Variants in SANBR observed in about 807,000 individuals in gnomAD.
SANBR encodes SANT and BTB domain regulator of class switch recombination.
In SANBR, 77 loss-of-function variants were observed where a neutral mutation model predicts 101.8. The observed-to-expected ratio is 0.76, with a 90% CI of 0.63 to 0.91. SANBR has a LOEUF of 0.91. Among genes scored for constraint, SANBR ranks in the 40% least tolerant of loss-of-function variants. The probability of loss-of-function intolerance (pLI) is 0.00; values close to 1 mark genes in which losing one functional copy is unlikely to be tolerated. For missense variants in SANBR, 875 were observed against 853.0 expected, an observed-to-expected ratio of 1.03 and a Z score of -0.32; for synonymous variants, 279 against 274.7, an observed-to-expected ratio of 1.02 and a Z score of -0.15.
At chr2:61,121,384 GT>G (rs1019222881) in intron 21 of SANBR, 108 bp downstream of exon 21, 6 of 658,306 alleles carry the variant, frequency 9.1e-6, no homozygotes, top group Non-Finnish European at 1.5e-5. Context: ...TTGGTTTTAT[GT>G]TTTGTTTCAA....
At chr2:61,122,098 G>C in intron 21 of SANBR, 28 bp from the exon 22 acceptor site, 1 of 1,547,892 alleles carries the variant, frequency 6.5e-7, no homozygotes, top group African/African-American at 1.4e-5. Flanking sequence ...AAGCAATTCT[G>C]ACCTCCTTTT....
chr2:61,104,767 C>T (rs1683474238), intron 13 of SANBR, among the ~76,000 whole-genome samples: 3 of 151,710 alleles, frequency 2.0e-5, no homozygotes, highest in Admixed American at 6.6e-5. Context: ...CTGGAGGACT[C>T]TTTAAAAGAG....
chr2:61,080,507 G>A (rs1390396870), intron 6 of SANBR, among the ~76,000 whole-genome samples: 1 of 152,162 alleles, frequency 6.6e-6, no homozygotes, highest in African/African-American at 2.4e-5. Flanking sequence ...CGGATCACGA[G>A]GTGAAGAGAT....
At chr2:61,078,793 C>CT (rs2104864581) in intron 6 of SANBR, among the ~76,000 whole-genome samples, 1 of 151,800 alleles carries the variant, frequency 6.6e-6, no homozygotes, top group African/African-American at 2.4e-5. Context: ...AGTCCCAGCA[C>CT]TTTGACAGGC....
At position 61,122,212 on chromosome 2, in the gene SANBR, T is replaced by A. The variant is rs1265783772; in HGVS notation, c.*50T>A. 1 of 1,517,556 alleles carries A rather than the reference T, an allele frequency of 6.6e-7. No homozygotes were observed. The highest frequency in any genetic ancestry group is 2.2e-5 in the Admixed American group (1 of 45,122). The allele number at this position is 1,517,556 out of a possible 1,614,324, so 94.0% of individuals were successfully genotyped here. ...GAGAGAAGGCACTCTTCTGGACATCTGAAATTGCTCACTTCTTGAAGATCT... is the reference window on the plus strand; with the variant it reads ...GAGAGAAGGCACTCTTCTGGACATCAGAAATTGCTCACTTCTTGAAGATCT... On this transcript the variant is annotated 3_prime_UTR_variant, in exon 22 of 22. Transcript: ENST00000402291.
chr2:61,122,320 G>T lies in SANBR; in HGVS notation c.*158G>T. ...TAATTCTAAAAGAAATGCATAGTTA[G>T]GTTTTATGAAAATCTAATTGTAAAT... On this transcript the variant is annotated 3_prime_UTR_variant, in exon 22 of 22. Transcript: ENST00000402291. 11 of 1,228,678 alleles carry T rather than the reference G, an allele frequency of 9.0e-6. No individual in the cohort carries two copies. The highest frequency in any genetic ancestry group is 3.0e-5 in the South Asian group (1 of 33,638). The allele number at this position is 1,228,678 out of a possible 1,614,324, so 76.1% of individuals were successfully genotyped here.
intron 10 of SANBR, among the ~76,000 whole-genome samples, chr2:61,090,273 G>T (rs1284676169): frequency 6.6e-6 from 1 of 151,904 alleles, no homozygotes; most frequent in African/African-American, 2.4e-5. Flanking sequence ...TCTTTTTGTT[G>T]TTCTTTTTTC....
intron 10 of SANBR, chr2:61,090,648 C>A: frequency 6.5e-6 from 1 of 153,366 alleles, no homozygotes; most frequent in South Asian, 2.1e-4. Context: ...GCCTCCTGAG[C>A]TAGGACCATG....
intron 8 of SANBR, among the ~76,000 whole-genome samples, chr2:61,085,591 A>G (rs1210627029): frequency 6.6e-6 from 1 of 151,910 alleles, no homozygotes; most frequent in African/African-American, 2.4e-5. Flanking sequence ...ACTCTCTGCA[A>G]CCGCCGCCTC....
intron 20 of SANBR, among the ~76,000 whole-genome samples, chr2:61,133,363 G>C (rs555047426): frequency 6.6e-6 from 1 of 152,256 alleles, no homozygotes; most frequent in East Asian, 1.9e-4. Flanking sequence ...ATGTTTTGGA[G>C]CTTGATGAAG....
intron 16 of SANBR, among the ~76,000 whole-genome samples, chr2:61,115,166 C>T (rs1375848896): frequency 1.3e-5 from 2 of 151,978 alleles, no homozygotes; most frequent in African/African-American, 2.4e-5. Flanking sequence ...GCCATATGGG[C>T]CTGGAGCTTT....
chr2:61,069,214 C>T (rs1681331741), intron 2 of SANBR, among the ~76,000 whole-genome samples: 1 of 152,174 alleles, frequency 6.6e-6, no homozygotes, highest in African/African-American at 2.4e-5. Context: ...AAATATTCCA[C>T]ATAACCCTCA....
Position 61,122,494 on chromosome 2 carries a change from T to G in SANBR, c.*332T>G, listed in dbSNP as rs981106749. On this transcript the variant is annotated 3_prime_UTR_variant, in exon 22 of 22. Transcript: ENST00000402291. ...CTAAACTGTCAGGTAGCCAAGTTTT[T>G]TTAAGACCTTAAAAGTTAGGGGAAC... 7.4e-5 allele frequency: 77 copies of G among 1,037,622 alleles called. No homozygotes were observed. The African/African-American group carries it at 1.1e-3, about 15-fold the overall frequency. 64.3% of individuals were successfully genotyped at this position (1,037,622 alleles called of 1,614,324 possible).
At position 61,123,479 on chromosome 2, in the gene SANBR, C is replaced by T. The variant is rs1417252933; in HGVS notation, c.*1317C>T. ...AACTGCTGTTTAGAAATTTTGTTCC[C>T]ATTTATATTTGTTTCAATTGTTTGA... On this transcript the variant is annotated 3_prime_UTR_variant, in exon 22 of 22. Transcript: ENST00000402291. The T allele has an allele frequency of 4.1e-6, 4 of 978,252 alleles. 1 individual carries two copies. The South Asian group carries it at 1.4e-4, about 35-fold the overall frequency. The allele number at this position is 978,252 out of a possible 1,614,324, so 60.6% of individuals were successfully genotyped here.
intron 20 of SANBR, among the ~76,000 whole-genome samples, chr2:61,130,958 A>G (rs1163396187): frequency 1.4e-5 from 2 of 146,452 alleles, no homozygotes; most frequent in African/African-American, 5.2e-5. Flanking sequence ...AAAAAAAAAA[A>G]GTCTCACAAT....
intron 11 of SANBR, among the ~76,000 whole-genome samples, chr2:61,094,829 G>T (rs10188562): frequency 6.6e-6 from 1 of 152,032 alleles, no homozygotes; most frequent in South Asian, 2.1e-4. Context: ...ATTTTTAGTA[G>T]AAATGGGGTT....
intron 16 of SANBR, among the ~76,000 whole-genome samples, chr2:61,114,243 G>C (rs1320550967): frequency 1.3e-5 from 2 of 152,180 alleles, no homozygotes; most frequent in Non-Finnish European, 2.9e-5. Flanking sequence ...GTAAAGAGTT[G>C]CAGCCGCGAC....
chr2:61,118,477 G>A (rs1439868583), intron 20 of SANBR, among the ~76,000 whole-genome samples: 1 of 151,432 alleles, frequency 6.6e-6, no homozygotes, highest in African/African-American at 2.4e-5. Context: ...CTGACCTCAG[G>A]TGATCCACCC....
downstream of SANBR, among the ~76,000 whole-genome samples, chr2:61,128,358 A>C (rs983899280): frequency 6.6e-6 from 1 of 152,128 alleles, no homozygotes; most frequent in African/African-American, 2.4e-5. Flanking sequence ...GGAGAACAGA[A>C]GGCAGTGGAT....
Sources: allele counts gnomAD v4.1 joint callset (sites outside exome capture counted in the v4.1 genomes callset), GRCh38; gene constraint gnomAD v4.1.1; transcripts MANE v1.5; gene names NCBI Gene and HGNC (gene_info 2026-07-23, HGNC 2026-07-21).